AOAH: variants seen among roughly 807,000 people sequenced by gnomAD.
AOAH encodes acyloxyacyl hydrolase (neutrophil).
A neutral mutation model predicts 92.2 loss-of-function variants in AOAH; 64 were observed. That is an observed-to-expected ratio of 0.69 (90% CI 0.57 to 0.86). The LOEUF is 0.86. AOAH is among the 40% of genes least tolerant of loss of function. The pLI, the probability that AOAH is intolerant of heterozygous loss-of-function variation, is 0.00. For missense variants in AOAH, 656 were observed against 694.6 expected, an observed-to-expected ratio of 0.94 and a Z score of 0.62; for synonymous variants, 263 against 254.5, an observed-to-expected ratio of 1.03 and a Z score of -0.32.
rs1275681536 is a variant in AOAH, at chr7:36,686,795, C to G, written c.128-1G>C. The G allele has an allele frequency of 6.5e-7, 1 of 1,542,720 alleles. No homozygotes were observed. The highest frequency in any genetic ancestry group is 8.7e-7 in the Non-Finnish European group (1 of 1,143,780). On this transcript the variant is annotated splice_acceptor_variant, in intron 1 of 20. Transcript: ENST00000617537. LOFTEE classifies it high-confidence loss of function. ...ATTACAGACACCACCAGCACACACC[C>G]TGCCAGGGAGGAGAAGAACATGTAA...
At chr7:36,712,236 C>T (rs1798814278) in intron 1 of AOAH, among the ~76,000 whole-genome samples, 1 of 152,158 alleles carries the variant, frequency 6.6e-6, no homozygotes, top group Admixed American at 6.5e-5. Flanking sequence ...GTTCATCAAT[C>T]AAACTATGAA....
intron 2 of AOAH, among the ~76,000 whole-genome samples, chr7:36,680,186 T>C (rs538643658): frequency 6.6e-6 from 1 of 152,170 alleles, no homozygotes; most frequent in Admixed American, 6.5e-5. Context: ...CCATTAATCA[T>C]TTTCCATTAA....
At chr7:36,569,200 AC>A (rs1361022172) in intron 13 of AOAH, among the ~76,000 whole-genome samples, 1 of 152,146 alleles carries the variant, frequency 6.6e-6, no homozygotes, top group Non-Finnish European at 1.5e-5. Context: ...AAACAAAACA[AC>A]CCCAAAGAGG....
At chr7:36,656,900 A>T (rs1794928628) in intron 4 of AOAH, among the ~76,000 whole-genome samples, 1 of 149,868 alleles carries the variant, frequency 6.7e-6, no homozygotes, top group Non-Finnish European at 1.5e-5. Flanking sequence ...TGGCAGTACC[A>T]AGAAGCTTTT....
intron 16 of AOAH, 49 bp downstream of exon 16, chr7:36,540,254 ATATATACATTGAACTG>A: frequency 7.2e-7 from 1 of 1,397,816 alleles, no homozygotes; most frequent in South Asian, 1.4e-5. Flanking sequence ...GGTTTGAACC[ATATATACATTGAACTG>A]TATATACATT....
intron 16 of AOAH, among the ~76,000 whole-genome samples, chr7:36,539,306 T>C (rs1344564664): frequency 6.6e-6 from 1 of 152,176 alleles, no homozygotes; most frequent in East Asian, 1.9e-4. Context: ...AGGGAAGGGA[T>C]AGTCCCTTCT....
At chr7:36,526,386 T>C (rs1784397586) in intron 19 of AOAH, among the ~76,000 whole-genome samples, 1 of 152,232 alleles carries the variant, frequency 6.6e-6, no homozygotes, top group Non-Finnish European at 1.5e-5. Context: ...ATTTAGGATT[T>C]TATCTGTATC....
At chr7:36,595,395 T>G (rs1037637261) in intron 11 of AOAH, among the ~76,000 whole-genome samples, 1 of 152,046 alleles carries the variant, frequency 6.6e-6, no homozygotes, top group East Asian at 1.9e-4. Flanking sequence ...TTGCTAGGTA[T>G]GATGGCATGT....
At chr7:36,687,280 A>G (rs1584117425) in intron 1 of AOAH, among the ~76,000 whole-genome samples, 2 of 152,292 alleles carry the variant, frequency 1.3e-5, no homozygotes. Context: ...TAAATGAGAT[A>G]AAAGTGAGAC....
intron 4 of AOAH, among the ~76,000 whole-genome samples, chr7:36,654,790 A>C (rs559581841): frequency 6.6e-6 from 1 of 152,202 alleles, no homozygotes; most frequent in Non-Finnish European, 1.5e-5. Context: ...ACACCTACGG[A>C]GTCTCAGTGA....
intron 1 of AOAH, among the ~76,000 whole-genome samples, chr7:36,715,238 C>A (rs28792821): frequency 0.55 from 83,856 of 151,706 alleles, 23,472 homozygotes; most frequent in East Asian, 0.83. Context: ...CTTCAAAGAG[C>A]ATAAAATACC....
At chr7:36,691,000 T>C (rs1215599778) in intron 1 of AOAH, among the ~76,000 whole-genome samples, 1 of 152,190 alleles carries the variant, frequency 6.6e-6, no homozygotes, top group Non-Finnish European at 1.5e-5. Flanking sequence ...AGATTTCCCA[T>C]TTGTCTGAAA....
In AOAH at chr7:36,621,896, A is replaced by G. The variant is rs927563059; in HGVS notation, c.583-116T>C. ...CATCCACAGTTTTTAATTCAGATTCAATCTAGGATCACTAAAGAGCACTAA... is the reference window on the plus strand; with the variant it reads ...CATCCACAGTTTTTAATTCAGATTCGATCTAGGATCACTAAAGAGCACTAA... On this transcript the variant is annotated intron_variant, in intron 7 of 20. Coordinates refer to ENST00000617537, the MANE Select transcript of AOAH (RefSeq NM_001637.4). The G allele has an allele frequency of 9.3e-6, 8 of 863,988 alleles. No individual in the cohort carries two copies. In the African/African-American group the frequency reaches 1.3e-4, roughly 14 times the overall value. 53.5% of individuals were successfully genotyped at this position (863,988 alleles called of 1,614,324 possible). A position where few individuals can be genotyped will look rare whatever the true frequency, so the allele number is the denominator to read the frequency against.
intron 1 of AOAH, among the ~76,000 whole-genome samples, chr7:36,698,573 C>T (rs1797852550): frequency 6.6e-6 from 1 of 151,844 alleles, no homozygotes; most frequent in Non-Finnish European, 1.5e-5. Flanking sequence ...TAAATTTTTC[C>T]ATAAGCACTG....
chr7:36,654,164 C>A (rs1009513311), intron 4 of AOAH, among the ~76,000 whole-genome samples: 12 of 152,162 alleles, frequency 7.9e-5, no homozygotes, highest in Non-Finnish European at 1.2e-4. Context: ...AATCAATGCG[C>A]TGTTTCATGT....
At chr7:36,538,216 C>T (rs1301961540) in intron 16 of AOAH, among the ~76,000 whole-genome samples, 1 of 151,692 alleles carries the variant, frequency 6.6e-6, no homozygotes, top group Non-Finnish European at 1.5e-5. Context: ...TTAGAAGAGA[C>T]GAGGTTTCAC....
rs1224892436 is a variant in AOAH, at chr7:36,614,468, G to C, written c.846+1912C>G. ...AATTTGTGTTTGTTATGTGAGTGAA[G>C]TCCAGTGGGCCAACTGAGCATGTGT... On this transcript the variant is annotated intron_variant, in intron 11 of 20. Transcript: ENST00000617537. This position sits in a 1 kb window ranked among gnomAD's most constrained non-coding sequence, Gnocchi z 4.2. Among the ~76,000 whole-genome samples, 3 of 152,020 alleles carry C rather than the reference G, an allele frequency of 2.0e-5. No individual in the cohort carries two copies. The highest frequency in any genetic ancestry group is 4.4e-5 in the Non-Finnish European group (3 of 68,020).
chr7:36,530,347 A>C, intron 19 of AOAH, 71 bp downstream of exon 19: 1 of 1,125,806 alleles, frequency 8.9e-7, no homozygotes, highest in Non-Finnish European at 1.3e-6. Flanking sequence ...TAAAAGTATA[A>C]AACCAGTTGC....
intron 4 of AOAH, among the ~76,000 whole-genome samples, chr7:36,653,643 C>A (rs1794710095): frequency 6.6e-6 from 1 of 152,214 alleles, no homozygotes. Flanking sequence ...GGCAGCAGGT[C>A]TCCCTGCCAC....
Sources: gnomAD v4.1 joint callset for allele counts (sites outside exome capture counted in the v4.1 genomes callset) on GRCh38, gnomAD v4.1.1 for gene constraint, Gnocchi (gnomAD v3.1) non-coding constraint, MANE v1.5 for transcripts, NCBI Gene and HGNC (gene_info 2026-07-23, HGNC 2026-07-21) for gene names.